Variants in RNLS observed in about 807,000 individuals in gnomAD.
The protein encoded by RNLS is renalase, FAD dependent amine oxidase.
A neutral mutation model predicts 39.8 loss-of-function variants in RNLS; 39 were observed. The ratio of observed to expected loss-of-function variants is 0.98; its 90% CI spans 0.76 to 1.28. The LOEUF is 1.28. Among genes scored for constraint, RNLS ranks in the 50% most tolerant of loss-of-function variants. RNLS has a pLI of 0.00. For synonymous variants in RNLS, 147 were observed against 150.7 expected, an observed-to-expected ratio of 0.98 and a Z score of 0.18; for missense variants, 410 against 413.3, an observed-to-expected ratio of 0.99 and a Z score of 0.07.
chr10:88,190,021 G>T, the RNLS span, among the ~76,000 whole-genome samples: 2 of 152,244 alleles, frequency 1.3e-5, no homozygotes, highest in South Asian at 4.1e-4. Flanking sequence ...ATGGTAGGAA[G>T]TGTGATCATA....
intron 5 of RNLS, among the ~76,000 whole-genome samples, chr10:88,322,762 T>C (rs1846278743): frequency 6.6e-6 from 1 of 152,114 alleles, no homozygotes; most frequent in African/African-American, 2.4e-5. Context: ...CTATTCAACA[T>C]ATTACTGGAA....
intron 6 of RNLS, among the ~76,000 whole-genome samples, chr10:88,286,880 A>G (rs1034982200): frequency 6.6e-6 from 1 of 150,790 alleles, no homozygotes; most frequent in African/African-American, 2.4e-5. Flanking sequence ...GCACTCTTGA[A>G]CTCCTAGGCC....
chr10:88,448,088 A>G (rs1158436567), intron 4 of RNLS, among the ~76,000 whole-genome samples: 2 of 152,236 alleles, frequency 1.3e-5, no homozygotes, highest in African/African-American at 4.8e-5. Context: ...CATTGAGGAC[A>G]TAGGCATGGG....
At chr10:88,477,043 A>G (rs1191583098) in intron 4 of RNLS, among the ~76,000 whole-genome samples, 1 of 151,880 alleles carries the variant, frequency 6.6e-6, no homozygotes, top group Non-Finnish European at 1.5e-5. Context: ...GATCTGCTAT[A>G]TTATAAATGA....
chr10:88,440,827 T>C (rs1426200752), intron 4 of RNLS, among the ~76,000 whole-genome samples: 1 of 152,190 alleles, frequency 6.6e-6, no homozygotes, highest in African/African-American at 2.4e-5. Flanking sequence ...GCTGAGAAAT[T>C]CAGAACTGTC....
chr10:88,513,149 T>C (rs913998750), intron 4 of RNLS, among the ~76,000 whole-genome samples: 7 of 152,300 alleles, frequency 4.6e-5, no homozygotes, highest in African/African-American at 1.4e-4. Flanking sequence ...CCAGAGGCTA[T>C]ATTTTTTCCC....
chr10:88,452,666 A>G (rs1484625594), intron 4 of RNLS, among the ~76,000 whole-genome samples: 3 of 152,150 alleles, frequency 2.0e-5, no homozygotes, highest in African/African-American at 7.2e-5. Context: ...AGATAACACA[A>G]TAAGAAGCCC....
chr10:88,213,126 A>G, the RNLS span, among the ~76,000 whole-genome samples: 12 of 152,304 alleles, frequency 7.9e-5, no homozygotes, highest in Admixed American at 4.6e-4. Context: ...CTGAGATCCA[A>G]GATTCTTCTG....
chr10:88,544,622 C>T (rs1014221372), intron 4 of RNLS, among the ~76,000 whole-genome samples: 2 of 152,142 alleles, frequency 1.3e-5, no homozygotes, highest in African/African-American at 4.8e-5. Flanking sequence ...AAAATGACTT[C>T]GACTTAAAAT....
At chr10:88,299,915 T>G (rs1844390611) in intron 6 of RNLS, among the ~76,000 whole-genome samples, 1 of 152,220 alleles carries the variant, frequency 6.6e-6, no homozygotes, top group Non-Finnish European at 1.5e-5. Context: ...GAGGATCAAA[T>G]GAAAACAAGT....
At chr10:88,461,275 G>A (rs868167722) in intron 4 of RNLS, among the ~76,000 whole-genome samples, 10 of 152,080 alleles carry the variant, frequency 6.6e-5, no homozygotes, top group African/African-American at 2.4e-4. Flanking sequence ...CATGGGAAGA[G>A]GCTTTGGGTG....
chr10:88,323,546 G>A (rs1224306611), intron 5 of RNLS, among the ~76,000 whole-genome samples: 1 of 152,148 alleles, frequency 6.6e-6, no homozygotes, highest in African/African-American at 2.4e-5. Flanking sequence ...AAACTGGCTA[G>A]GGATACGCAG....
chr10:88,434,831 G>A (rs2133822855), intron 4 of RNLS, among the ~76,000 whole-genome samples: 1 of 152,136 alleles, frequency 6.6e-6, no homozygotes, highest in Non-Finnish European at 1.5e-5. Flanking sequence ...TAAAATAGTT[G>A]ATTAAATCAA....
chr10:88,374,873 G>C (rs906465327), intron 4 of RNLS, among the ~76,000 whole-genome samples: 4 of 152,014 alleles, frequency 2.6e-5, no homozygotes, highest in African/African-American at 9.7e-5. Context: ...AGCTCAGGCA[G>C]CAAGCAAATT....
At chr10:88,211,105 C>A in the RNLS span, among the ~76,000 whole-genome samples, 1 of 152,130 alleles carries the variant, frequency 6.6e-6, no homozygotes. Context: ...ATTTGCCTCC[C>A]CATAAAATCA....
chr10:88,392,308 T>C (rs1852256012), intron 4 of RNLS, among the ~76,000 whole-genome samples: 1 of 152,182 alleles, frequency 6.6e-6, no homozygotes, highest in African/African-American at 2.4e-5. Context: ...AAGTACAAGT[T>C]CATGTGTAGG....
chr10:88,360,738 T>C (rs1046959604), intron 5 of RNLS, among the ~76,000 whole-genome samples: 2 of 152,172 alleles, frequency 1.3e-5, no homozygotes, highest in African/African-American at 4.8e-5. Context: ...CCAGTGATAG[T>C]TCATTTCATT....
At chr10:88,566,263 A>C (rs1849498104) in intron 4 of RNLS, among the ~76,000 whole-genome samples, 1 of 151,882 alleles carries the variant, frequency 6.6e-6, no homozygotes, top group African/African-American at 2.4e-5. Context: ...TAAATATATT[A>C]TTATATTAGT....
chr10:88,371,779 C>T (rs1318247193), intron 4 of RNLS, among the ~76,000 whole-genome samples: 2 of 152,096 alleles, frequency 1.3e-5, no homozygotes, highest in Non-Finnish European at 2.9e-5. Context: ...ATGGAGAATG[C>T]TAATCATTAC....
Sources: gnomAD v4.1 joint callset for allele counts (sites outside exome capture counted in the v4.1 genomes callset) on GRCh38, gnomAD v4.1.1 for gene constraint, MANE v1.5 for transcripts, NCBI Gene and HGNC (gene_info 2026-07-23, HGNC 2026-07-21) for gene names.